Variants in NEK7 observed in about 807,000 individuals in gnomAD.
NEK7 encodes the protein serine/threonine-protein kinase Nek7.
In NEK7, 18 loss-of-function variants were observed where a neutral mutation model predicts 44.6. That is an observed-to-expected ratio of 0.40 (90% CI 0.28 to 0.60). The LOEUF (loss-of-function observed/expected upper bound fraction) is 0.60. NEK7 is among the 20% of genes least tolerant of loss of function. The pLI, the probability that NEK7 is intolerant of heterozygous loss-of-function variation, is 0.38. For synonymous variants in NEK7, 130 were observed against 121.1 expected (o/e 1.07, Z -0.48); for missense variants, 256 against 366.5 (o/e 0.70, Z 2.46).
intron 1 of NEK7, among the ~76,000 whole-genome samples, chr1:198,232,066 A>G (rs1454645750): frequency 2.0e-5 from 3 of 152,192 alleles, no homozygotes; most frequent in Non-Finnish European, 2.9e-5. Context: ...AAGTATGCGT[A>G]AAAGAGTAGA....
chr1:198,244,656 A>C (rs1198031930), intron 2 of NEK7, among the ~76,000 whole-genome samples: 2 of 152,174 alleles, frequency 1.3e-5, no homozygotes, highest in African/African-American at 4.8e-5. Context: ...AAGAACCCAG[A>C]ACAGTATACT....
chr1:198,304,527 G>A (rs952056820), intron 9 of NEK7, among the ~76,000 whole-genome samples: 5 of 152,106 alleles, frequency 3.3e-5, no homozygotes, highest in Admixed American at 1.3e-4. Flanking sequence ...TAAGATGGGG[G>A]TGAAAAAGAA....
At chr1:198,286,119 A>C (rs1654360542) in intron 7 of NEK7, among the ~76,000 whole-genome samples, 1 of 152,176 alleles carries the variant, frequency 6.6e-6, no homozygotes, top group East Asian at 1.9e-4. Flanking sequence ...TAAAACATTT[A>C]TAATAAAAAA....
chr1:198,251,149 T>C (rs969077757), intron 2 of NEK7, among the ~76,000 whole-genome samples: 8 of 152,054 alleles, frequency 5.3e-5, no homozygotes, highest in Non-Finnish European at 8.8e-5. Context: ...ATGTGGTTTT[T>C]GTCTTTGGTT....
At chr1:198,202,617 G>A (rs369423320) in intron 1 of NEK7, among the ~76,000 whole-genome samples, 20 of 152,318 alleles carry the variant, frequency 1.3e-4, no homozygotes, top group East Asian at 5.8e-4. Context: ...AGTTTCACGT[G>A]GCTAGGGAGG....
chr1:198,182,010 T>C (rs1355285530), intron 1 of NEK7, among the ~76,000 whole-genome samples: 2 of 152,098 alleles, frequency 1.3e-5, no homozygotes, highest in African/African-American at 4.8e-5. Flanking sequence ...AAAATGGCTT[T>C]ATATACTTGA....
At chr1:198,230,010 T>C (rs1051586075) in intron 1 of NEK7, among the ~76,000 whole-genome samples, 12 of 152,326 alleles carry the variant, frequency 7.9e-5, no homozygotes, top group Admixed American at 7.8e-4. Flanking sequence ...TTTTAAAATG[T>C]CACACAAAGA....
intron 1 of NEK7, among the ~76,000 whole-genome samples, chr1:198,210,266 G>A (rs1209284801): frequency 6.6e-6 from 1 of 152,100 alleles, no homozygotes; most frequent in African/African-American, 2.4e-5. Context: ...GCTGTTTTGT[G>A]TGTGTGATGG....
chr1:198,277,745 C>T, intron 5 of NEK7: 2 of 446,936 alleles, frequency 4.5e-6, no homozygotes, highest in South Asian at 3.4e-5. Flanking sequence ...GGTACTGTTA[C>T]ACAGTTTCCG....
chr1:198,231,335 A>G (rs928585998), intron 1 of NEK7, among the ~76,000 whole-genome samples: 3 of 141,216 alleles, frequency 2.1e-5, no homozygotes, highest in Non-Finnish European at 3.0e-5. Flanking sequence ...ATATATATAT[A>G]TAAAAACACA....
chr1:198,271,924 T>TATAC (rs1491392729), intron 5 of NEK7, among the ~76,000 whole-genome samples: 13 of 134,556 alleles, frequency 9.7e-5, no homozygotes, highest in Admixed American at 3.1e-4. Flanking sequence ...TATATATATA[T>TATAC]ACACACACAC....
Position 198,278,217 on chromosome 1 carries a change from TAAAGCA to T in NEK7, c.481+149_481+154del, listed in dbSNP as rs1447010757. ...TATGCTAGAATGTTAAACCTTTAAATAAAGCACTACTAGGTTTTAAATAAGAATGTA... is the reference window on the plus strand; with the variant it reads ...TATGCTAGAATGTTAAACCTTTAAATCTACTAGGTTTTAAATAAGAATGTA... On this transcript the variant is annotated intron_variant, in intron 6 of 9. Transcript: ENST00000367385. The T allele has an allele frequency of 5.3e-5, 28 of 530,188 alleles. No homozygotes were observed. The African/African-American group carries it at 5.4e-4, about 10-fold the overall frequency. The allele number at this position is 530,188 out of a possible 1,614,324, so 32.8% of individuals were successfully genotyped here.
At chr1:198,302,746 G>A (rs1018418761) in intron 9 of NEK7, among the ~76,000 whole-genome samples, 8 of 151,700 alleles carry the variant, frequency 5.3e-5, no homozygotes, top group Non-Finnish European at 7.4e-5. Context: ...TCTTTAATGC[G>A]ATTATCAATT....
intron 1 of NEK7, among the ~76,000 whole-genome samples, chr1:198,160,865 T>G (rs1664083479): frequency 6.6e-6 from 1 of 152,234 alleles, no homozygotes; most frequent in Admixed American, 6.5e-5. Context: ...AATAGTTTGA[T>G]TATTCCTAGG....
chr1:198,196,122 T>C (rs982514303), intron 1 of NEK7, among the ~76,000 whole-genome samples: 1 of 152,154 alleles, frequency 6.6e-6, no homozygotes, highest in Non-Finnish European at 1.5e-5. Flanking sequence ...TCTAGGAAAA[T>C]TGGAAAGTTT....
intron 9 of NEK7, among the ~76,000 whole-genome samples, chr1:198,298,788 G>T (rs1654788817): frequency 6.6e-6 from 1 of 152,166 alleles, no homozygotes; most frequent in Non-Finnish European, 1.5e-5. Context: ...GTCTGAATTT[G>T]CATTTCACAT....
intron 1 of NEK7, among the ~76,000 whole-genome samples, chr1:198,226,986 T>G (rs534675077): frequency 6.6e-6 from 1 of 152,264 alleles, no homozygotes; most frequent in African/African-American, 2.4e-5. Context: ...TCATTTAACA[T>G]TAGGTATATC....
rs1655514603 is a variant in NEK7 at position 198,320,812 on chromosome 1, T to G, written c.*1290T>G. On this transcript the variant is annotated 3_prime_UTR_variant, in exon 10 of 10. Transcript: ENST00000367385. ...AGCCAGAACTGTTATGAGATTAACA[T>G]TTCTATTGAGAAGCTTTTGAGTAAA... 6.6e-6 allele frequency: 1 copy of G among 152,210 alleles called. No individual in the cohort carries two copies. The highest frequency in any genetic ancestry group is 6.5e-5 in the Admixed American group (1 of 15,274). 9.4% of individuals were successfully genotyped at this position (152,210 alleles called of 1,614,324 possible).
chr1:198,239,930 C>T (rs1666637350), intron 2 of NEK7, among the ~76,000 whole-genome samples: 1 of 152,146 alleles, frequency 6.6e-6, no homozygotes, highest in South Asian at 2.1e-4. Flanking sequence ...CAAAGCTGCA[C>T]AGTGTGTTAC....
Sources: allele counts gnomAD v4.1 joint callset (sites outside exome capture counted in the v4.1 genomes callset), GRCh38; gene constraint gnomAD v4.1.1; transcripts MANE v1.5; gene names NCBI Gene and HGNC (gene_info 2026-07-23, HGNC 2026-07-21).